The following COL5A1 variants were observed in gnomAD, a reference collection of about 807,000 sequenced individuals.
COL5A1 encodes collagen alpha-1(V) chain.
A neutral mutation model predicts 263.7 loss-of-function variants in COL5A1; 16 were observed. The ratio of observed to expected loss-of-function variants is 0.06; its 90% CI spans 0.04 to 0.09. The LOEUF (loss-of-function observed/expected upper bound fraction) is 0.09, where lower values mean the gene tolerates loss of function less well. COL5A1 is among the 10% of genes least tolerant of loss of function. The pLI is 1.00. For synonymous variants in COL5A1, 1,012 were observed against 1,004.5 expected (o/e 1.01, Z -0.14); for missense variants, 2,036 against 2,540.5 (o/e 0.80, Z 4.27).
intron 4 of COL5A1, chr9:134,708,479 C>T (rs779959425): frequency 1.2e-4 from 54 of 455,816 alleles, no homozygotes; most frequent in Non-Finnish European, 2.0e-4. Flanking sequence ...TCTAGGTCCT[C>T]GGTCCAAGAC....
intron 1 of COL5A1, among the ~76,000 whole-genome samples, chr9:134,645,509 A>G (rs1050556360): frequency 1.3e-5 from 2 of 152,268 alleles, no homozygotes; most frequent in Non-Finnish European, 2.9e-5. Flanking sequence ...GGAACAGTGC[A>G]GGACCTGTCC....
intron 64 of COL5A1, chr9:134,830,343 A>G: frequency 4.5e-6 from 3 of 672,014 alleles, no homozygotes; most frequent in East Asian, 2.7e-5. Flanking sequence ...TCCTCTCCCC[A>G]GCCCCCGCCA....
Position 134,658,520 on chromosome 9 carries a change from C to T in COL5A1, c.109+16224C>T, listed in dbSNP as rs116911927. On this transcript the variant is annotated intron_variant, in intron 1 of 65. Transcript: ENST00000371817. ...CGCCCTGGGCCCCTTCACATGCATACGCTCCCACCTCCCCTTCCTGCAGCT... is the reference window on the plus strand; with the variant it reads ...CGCCCTGGGCCCCTTCACATGCATATGCTCCCACCTCCCCTTCCTGCAGCT... Among the ~76,000 whole-genome samples the T allele has an allele frequency of 1.8e-3, 277 of 152,338 alleles. 4 individuals are homozygous for T. The East Asian group carries it at 0.031, about 17-fold the overall frequency.
Position 134,758,198 on chromosome 9 carries a change from G to A in COL5A1, c.1882-45G>A, listed in dbSNP as rs900270415. ...GTGGACACCAAGGCGGGGTGTCCACGTGTGCAGGGTGGCGTCTGAGGCAGC... is the reference window on the plus strand; with the variant it reads ...GTGGACACCAAGGCGGGGTGTCCACATGTGCAGGGTGGCGTCTGAGGCAGC... On this transcript the variant is annotated intron_variant, in intron 17 of 65. Coordinates refer to ENST00000371817, the MANE Select transcript of COL5A1 (RefSeq NM_000093.5). This position sits in a 1 kb window ranked among gnomAD's most constrained non-coding sequence, Gnocchi z 4.1. The A allele has an allele frequency of 8.7e-6, 14 of 1,609,268 alleles. No homozygotes were observed. Among genetic ancestry groups the A allele is most frequent in the African/African-American group, 5.3e-5 (4 of 74,816 alleles).
chr9:134,747,245 C>T (rs996552934), intron 11 of COL5A1, among the ~76,000 whole-genome samples: 12 of 152,172 alleles, frequency 7.9e-5, no homozygotes, highest in Non-Finnish European at 1.3e-4. Flanking sequence ...CGGTGAGAAG[C>T]GGCATCAGAG....
rs1028836727 is a variant in COL5A1, at chr9:134,765,310, C to T, written c.2035-371C>T. Reference sequence around the variant, plus strand: ...GCGAGCCGGTAATGAGGATAGGGCACAAGGGCTCCGTGCAGTGGAATGTTA... The same window carrying T: ...GCGAGCCGGTAATGAGGATAGGGCATAAGGGCTCCGTGCAGTGGAATGTTA... On this transcript the variant is annotated intron_variant, in intron 20 of 65. Transcript: ENST00000371817. This position sits in a 1 kb window ranked among gnomAD's most constrained non-coding sequence, Gnocchi z 5.1. Among the ~76,000 whole-genome samples the T allele has an allele frequency of 6.6e-6, 1 of 152,148 alleles. No individual in the cohort carries two copies. The highest frequency in any genetic ancestry group is 1.5e-5 in the Non-Finnish European group (1 of 68,026).
chr9:134,820,233 A>T lies in COL5A1; in HGVS notation c.4554+10A>T. The T allele has an allele frequency of 6.2e-7, 1 of 1,606,534 alleles. No homozygotes were observed. Among genetic ancestry groups the T allele is most frequent in the Non-Finnish European group, 8.5e-7 (1 of 1,173,534 alleles). ...TCCTAAGGGAGAACAGGTGCGTGAG[A>T]TGGCACTTCTTGCATGTGGGCTGTC... On this transcript the variant is annotated intron_variant, in intron 58 of 65. Coordinates refer to ENST00000371817, the MANE Select transcript of COL5A1 (RefSeq NM_000093.5).
chr9:134,830,097 G>C lies in COL5A1; in HGVS notation c.5136+53G>C, dbSNP rs748008196. On this transcript the variant is annotated intron_variant, in intron 64 of 65. Transcript: ENST00000371817. The stretch of plus-strand genomic sequence containing the variant: ...TTGTCACTTTAAACCCGCCCATCTC[G>C]TATCTTACAGAGTAAAATGGCCCGC... The C allele has an allele frequency of 6.8e-6, 11 of 1,613,106 alleles. No individual in the cohort carries two copies. In the East Asian group the frequency reaches 8.9e-5, roughly 13 times the overall value.
rs1421826302 is a variant in COL5A1, at chr9:134,691,038, A to C, written c.236A>C (p.Lys79Thr). The C allele has an allele frequency of 1.2e-6, 2 of 1,613,492 alleles. No homozygotes were observed. Among genetic ancestry groups the C allele is most frequent in the Non-Finnish European group, 1.7e-6 (2 of 1,180,042 alleles). Residue 79 changes from lysine (K) to threonine (T), a missense_variant, in exon 2 of 66, where the codon AAA becomes ACA. By Grantham distance (78) the Lys-to-Thr change is moderately conservative. Transcript: ENST00000371817. ...CCGGATGTCGCTTACAGAGTCACCA[A>C]AGACGCGCAGCTCAGCGCACCCACC... Reference protein sequence around the residue: ...KGPDVAYRVTKDAQLSAPTKQ... With the variant: ...KGPDVAYRVTTDAQLSAPTKQ...
Position 134,802,047 on chromosome 9 carries a change from G to A in COL5A1, c.3006+40G>A, listed in dbSNP as rs118152606. ...TCCCAGATTCCATGGGTCACTCGGT[G>A]TCACTTGCCCACAGGGAAGAGGGTC... On this transcript the variant is annotated intron_variant, in intron 38 of 65. Coordinates refer to ENST00000371817, the MANE Select transcript of COL5A1 (RefSeq NM_000093.5). 1.6e-4 allele frequency: 262 copies of A among 1,598,244 alleles called. 1 individual carries two copies. The East Asian group carries it at 4.6e-3, about 28-fold the overall frequency.
intron 39 of COL5A1, among the ~76,000 whole-genome samples, chr9:134,803,517 C>T (rs1838185759): frequency 6.6e-6 from 1 of 152,174 alleles, no homozygotes; most frequent in Non-Finnish European, 1.5e-5. Context: ...CACCTGTAAT[C>T]CCACCTACTT....
rs181514475 is a variant in COL5A1, at chr9:134,674,634, C to T, written c.110-16278C>T. Among the ~76,000 whole-genome samples the T allele has an allele frequency of 6.0e-4, 91 of 152,232 alleles. 1 individual carries two copies. Among genetic ancestry groups the T allele is most frequent in the Non-Finnish European group, 8.5e-4 (58 of 68,026 alleles). On this transcript the variant is annotated intron_variant, in intron 1 of 65. Transcript: ENST00000371817. ...GGTGCGATGACTCACGCCTGTAATCCCAGCACTTTGGGAGGCCGAGGTGGG... is the reference window on the plus strand; with the variant it reads ...GGTGCGATGACTCACGCCTGTAATCTCAGCACTTTGGGAGGCCGAGGTGGG...
At chr9:134,764,103 G>A (rs542009863) in intron 20 of COL5A1, among the ~76,000 whole-genome samples, 1 of 137,930 alleles carries the variant, frequency 7.3e-6, no homozygotes, top group Admixed American at 7.2e-5. Flanking sequence ...TCCGGGGTCA[G>A]TGTGGGGTGT....
At chr9:134,840,217 C>T (rs1256612242) in intron 65 of COL5A1, among the ~76,000 whole-genome samples, 1 of 152,234 alleles carries the variant, frequency 6.6e-6, no homozygotes, top group African/African-American at 2.4e-5. Context: ...CGCGTTCTCT[C>T]TGAAGTTCCA....
At chr9:134,792,186 C>T (rs1040857903) in intron 32 of COL5A1, among the ~76,000 whole-genome samples, 1 of 152,228 alleles carries the variant, frequency 6.6e-6, no homozygotes, top group African/African-American at 2.4e-5. Context: ...GGGCAGCCAG[C>T]TGCTTTGGGG....
At chr9:134,688,644 T>A (rs1833162170) in intron 1 of COL5A1, among the ~76,000 whole-genome samples, 1 of 152,144 alleles carries the variant, frequency 6.6e-6, no homozygotes. Context: ...AGAGAGGCCA[T>A]GAGAGGCCTG....
chr9:134,829,746 T>TC (rs921416514), intron 63 of COL5A1, among the ~76,000 whole-genome samples: 11 of 151,674 alleles, frequency 7.3e-5, no homozygotes, highest in Admixed American at 3.3e-4. Context: ...GCCAGGCTCA[T>TC]CCCCCCAAGG....
intron 63 of COL5A1, among the ~76,000 whole-genome samples, chr9:134,829,180 C>G (rs1839463852): frequency 6.6e-6 from 1 of 152,252 alleles, no homozygotes; most frequent in South Asian, 2.1e-4. Flanking sequence ...AGTGACTGAG[C>G]ACCAGGCGCT....
At chr9:134,710,829 C>G (rs1258850787) in intron 4 of COL5A1, among the ~76,000 whole-genome samples, 3 of 49,780 alleles carry the variant, frequency 6.0e-5, no homozygotes, top group Non-Finnish European at 7.4e-5. Flanking sequence ...GGGACCCCAT[C>G]TGTTGGGTGC....
Sources: gnomAD v4.1 joint callset for allele counts (sites outside exome capture counted in the v4.1 genomes callset) on GRCh38, gnomAD v4.1.1 for gene constraint, Gnocchi (gnomAD v3.1) non-coding constraint, MANE v1.5 for transcripts, NCBI Gene and HGNC (gene_info 2026-07-23, HGNC 2026-07-21) for gene names.